SLC38A10: variants seen among roughly 807,000 people sequenced by gnomAD.
SLC38A10 encodes the protein Sodium-coupled neutral amino acid transporter 10.
SLC38A10 carries 53 observed loss-of-function variants against 81.0 expected under a neutral mutation model. That is an observed-to-expected ratio of 0.65 (90% confidence interval 0.53 to 0.82). SLC38A10 has a LOEUF of 0.82. Among genes scored for constraint, SLC38A10 ranks in the 40% least tolerant of loss-of-function variants. SLC38A10 has a pLI of 0.00. For synonymous variants in SLC38A10, 665 were observed against 655.3 expected (o/e 1.01, Z -0.23); for missense variants, 1,471 against 1,545.0 (o/e 0.95, Z 0.80).
intron 14 of SLC38A10, 195 bp from the exon 15 acceptor site, chr17:81,247,256 G>T: frequency 2.0e-6 from 1 of 510,456 alleles, no homozygotes; most frequent in Non-Finnish European, 3.2e-6. Flanking sequence ...AGGCCTGAGG[G>T]CCCGGGAGAG....
chr17:81,272,014 A>G (rs991268986), intron 9 of SLC38A10, among the ~76,000 whole-genome samples: 47 of 151,434 alleles, frequency 3.1e-4, no homozygotes, highest in East Asian at 1.9e-4. Context: ...GGCGTGAGCC[A>G]CTGCGCCCAG....
In SLC38A10 at chr17:81,253,638, TACC is replaced by T. The variant is rs1050848822; in HGVS notation, c.1289-401_1289-399del. 6.8e-5 allele frequency among the ~76,000 whole-genome samples: 10 copies of T among 147,098 alleles called. No homozygotes were observed. The highest frequency in any genetic ancestry group is 4.2e-4 in the East Asian group (2 of 4,760). On this transcript the variant is annotated intron_variant, in intron 11 of 15. Transcript: ENST00000374759. The surrounding 1 kb of genome is among the most constrained non-coding windows in gnomAD (Gnocchi z 4.1). Reference sequence around the variant, plus strand: ...CTATCATCACCATCATCTCCATCCCTACCACCATCAACATCACCATCATCACCA... The same window carrying T: ...CTATCATCACCATCATCTCCATCCCTACCATCAACATCACCATCATCACCA...
In SLC38A10 at chr17:81,280,648, C is replaced by G; in HGVS notation, c.587G>C (p.Arg196Pro). Reference protein sequence around the residue: ...VSYVRWEGVFRCIPIFGMSFA... With the variant: ...VSYVRWEGVFPCIPIFGMSFA... ...GGACATGCCGAAGATGGGGATGCAG[C>G]GGAAGACGCCCTCCCAGCGGACGTA... The change falls in exon 6 of 16, where the codon CGC becomes CCC. Residue 196 changes from arginine to proline, a missense_variant. Physicochemically the swap from Arg to Pro is moderately radical, Grantham distance 103. Around this residue, in one of 2 missense-constraint regions of SLC38A10, gnomAD observed 720 missense variants for 827.7 expected, o/e 0.87. Coordinates refer to ENST00000374759, the MANE Select transcript of SLC38A10 (RefSeq NM_001037984.3). 1 of 1,612,112 alleles carries G rather than the reference C, an allele frequency of 6.2e-7. No homozygotes were observed. The highest frequency in any genetic ancestry group is 1.7e-5 in the Admixed American group (1 of 59,972).
chr17:81,285,552 C>T (rs754780980), intron 2 of SLC38A10: 2 of 152,268 alleles, frequency 1.3e-5, no homozygotes, highest in Non-Finnish European at 2.9e-5. Context: ...CCGCCCTGAC[C>T]GCGGGATTCT....
chr17:81,278,909 T>C (rs2063184726), intron 6 of SLC38A10, among the ~76,000 whole-genome samples: 1 of 152,044 alleles, frequency 6.6e-6, no homozygotes, highest in African/African-American at 2.4e-5. Context: ...TCCTCTCCAA[T>C]CCTGACCACC....
At chr17:81,294,084 G>A (rs1177095400) in intron 1 of SLC38A10, among the ~76,000 whole-genome samples, 1 of 152,168 alleles carries the variant, frequency 6.6e-6, no homozygotes, top group Non-Finnish European at 1.5e-5. Flanking sequence ...CGTGATCTCG[G>A]CTCACTGCAA....
At chr17:81,266,887 ACT>A (rs765165636) in intron 10 of SLC38A10, among the ~76,000 whole-genome samples, 1 of 152,282 alleles carries the variant, frequency 6.6e-6, no homozygotes, top group East Asian at 1.9e-4. Context: ...AAAAAGCAGG[ACT>A]AATTTTTTGT....
At chr17:81,258,522 A>G (rs974913160) in intron 11 of SLC38A10, among the ~76,000 whole-genome samples, 38 of 151,956 alleles carry the variant, frequency 2.5e-4, no homozygotes, top group African/African-American at 9.2e-4. Flanking sequence ...GCGCAGTGCT[A>G]AGGGGACGGG....
chr17:81,292,795 G>A (rs796282888), intron 1 of SLC38A10, among the ~76,000 whole-genome samples: 3 of 152,182 alleles, frequency 2.0e-5, no homozygotes, highest in Non-Finnish European at 2.9e-5. Context: ...ACTTTCACAG[G>A]TGTCTAAACC....
intron 13 of SLC38A10, 95 bp from the exon 14 acceptor site, chr17:81,251,707 A>G: frequency 1.5e-6 from 2 of 1,335,106 alleles, no homozygotes; most frequent in African/African-American, 1.5e-5. Context: ...GACAAAAGGA[A>G]GTGGCAGATG....
In SLC38A10 at chr17:81,260,361, C is replaced by A. The variant is rs777762090; in HGVS notation, c.1165G>T (p.Val389Leu). 10 of 1,611,302 alleles carry A rather than the reference C, an allele frequency of 6.2e-6. 1 individual carries two copies. In the Middle Eastern group the frequency reaches 5.0e-4, roughly 80 times the overall value. The stretch of plus-strand genomic sequence containing the variant: ...ACAGACAGTGTGGTGACAGTGCTCA[C>A]CACCAGGACGCCCAGGCCGACCCAC... The part of the protein sequence containing the change: ...VLWVGLGVLV[V>L]STVTTLSVSE... Residue 389 changes from valine (V) to leucine (L), a missense_variant, in exon 11 of 16, where the codon GTG becomes TTG. By Grantham distance (32) the Val-to-Leu change is conservative. Around this residue, in one of 2 missense-constraint regions of SLC38A10, gnomAD observed 720 missense variants for 827.7 expected, o/e 0.87. Transcript: ENST00000374759.
At chr17:81,247,184 G>A in intron 14 of SLC38A10, 123 bp from the exon 15 acceptor site, 1 of 984,492 alleles carries the variant, frequency 1.0e-6, no homozygotes, top group Non-Finnish European at 1.4e-6. Flanking sequence ...CCCGAACACT[G>A]GCCACTGGTG....
rs781063838 is a variant in SLC38A10 at position 81,251,548 on chromosome 17, G to C, written c.2010C>G (p.Arg670=). ...CCGCTCGCTCCACGTCCCTCTGCTC[G>C]CGAGGCTCGGGCGGCAGCCCAGGCC... is the stretch of plus-strand genomic sequence containing the variant. ...APGPGLPPEP[R]EQRDVERAGG... is the part of the protein sequence containing the mutation. The change falls in exon 14 of 16, where the codon CGC becomes CGG. Residue 670 remains arginine (R), a synonymous_variant. Transcript: ENST00000374759. The C allele has an allele frequency of 2.6e-6, 4 of 1,525,934 alleles. No homozygotes were observed. The highest frequency in any genetic ancestry group is 4.6e-5 in the East Asian group (2 of 43,868). 94.5% of individuals were successfully genotyped at this position (1,525,934 alleles called of 1,614,324 possible). A position where few individuals can be genotyped will look rare whatever the true frequency, so the allele number is the denominator to read the frequency against.
intron 11 of SLC38A10, among the ~76,000 whole-genome samples, chr17:81,256,073 C>T (rs113964552): frequency 6.6e-6 from 1 of 152,248 alleles, no homozygotes; most frequent in Non-Finnish European, 1.5e-5. Flanking sequence ...GCTGTCCCAG[C>T]GGCTCCTCAC....
At chr17:81,294,509 G>A (rs1463758401) in intron 1 of SLC38A10, among the ~76,000 whole-genome samples, 1 of 152,174 alleles carries the variant, frequency 6.6e-6, no homozygotes, top group Non-Finnish European at 1.5e-5. Flanking sequence ...GTAAAAATAC[G>A]GAGTCCCACC....
At chr17:81,256,723 T>A (rs1034081026) in intron 11 of SLC38A10, among the ~76,000 whole-genome samples, 5 of 152,278 alleles carry the variant, frequency 3.3e-5, no homozygotes, top group Admixed American at 2.0e-4. Context: ...AGCTGATTTC[T>A]GACTTTCCCT....
At chr17:81,273,310 T>G (rs1256740757) in intron 8 of SLC38A10, among the ~76,000 whole-genome samples, 1 of 152,108 alleles carries the variant, frequency 6.6e-6, no homozygotes, top group Non-Finnish European at 1.5e-5. Context: ...CCCCCAGCTG[T>G]GGTCTCTAGT....
chr17:81,273,116 G>A (rs1241729717), intron 8 of SLC38A10, among the ~76,000 whole-genome samples: 1 of 152,178 alleles, frequency 6.6e-6, no homozygotes, highest in Non-Finnish European at 1.5e-5. Context: ...CAAGCAGTGA[G>A]CAATTTCAAA....
At chr17:81,267,109 C>CCAGCCAAT (rs2063077057) in intron 10 of SLC38A10, among the ~76,000 whole-genome samples, 1 of 152,074 alleles carries the variant, frequency 6.6e-6, no homozygotes. Context: ...GAAGGGCAGA[C>CCAGCCAAT]CAGCCAATAA....
Sources: allele counts gnomAD v4.1 joint callset (sites outside exome capture counted in the v4.1 genomes callset), GRCh38; gene constraint gnomAD v4.1.1; regional missense constraint gnomAD v4.1.1; non-coding constraint Gnocchi (gnomAD v3.1); transcripts MANE v1.5; gene names NCBI Gene and HGNC (gene_info 2026-07-23, HGNC 2026-07-21).